Variants in AFF1 observed in about 807,000 individuals in gnomAD.
AFF1 encodes the protein AF4/FMR2 family member 1.
Under a neutral mutation model 121.7 loss-of-function variants are expected in AFF1, and 48 were observed. The observed-to-expected ratio is 0.39, with a 90% CI of 0.31 to 0.50. AFF1 has a LOEUF of 0.50. Ranked by LOEUF, AFF1 falls within the 20% of genes least tolerant of loss-of-function variation. AFF1 has a pLI of 0.76. For synonymous variants in AFF1, 613 were observed against 563.0 expected (o/e 1.09, Z -1.26); for missense variants, 1,523 against 1,511.7 (o/e 1.01, Z -0.12).
chr4:87,128,558 T>C (rs149196024), intron 16 of AFF1, among the ~76,000 whole-genome samples: 3 of 152,288 alleles, frequency 2.0e-5, no homozygotes, highest in African/African-American at 7.2e-5. Flanking sequence ...GTTGCCTTTT[T>C]TGGTTCACAT....
At chr4:86,938,474 GAA>G (rs1256052022) in intron 1 of AFF1, among the ~76,000 whole-genome samples, 1 of 150,052 alleles carries the variant, frequency 6.7e-6, no homozygotes, top group Non-Finnish European at 1.5e-5. Context: ...AAAAGAAAAG[GAA>G]AAAAGTAAGT....
intron 2 of AFF1, among the ~76,000 whole-genome samples, chr4:87,002,128 C>T (rs566203650): frequency 3.4e-5 from 5 of 146,782 alleles, no homozygotes; most frequent in South Asian, 2.1e-4. Flanking sequence ...TTCCCAGAGA[C>T]GGTCTTGCTC....
At chr4:87,024,522 A>G (rs760093101) in intron 2 of AFF1, among the ~76,000 whole-genome samples, 9 of 152,110 alleles carry the variant, frequency 5.9e-5, no homozygotes, top group Non-Finnish European at 8.8e-5. Flanking sequence ...TATTTGGGAC[A>G]GGGGATGTAT....
intron 7 of AFF1, among the ~76,000 whole-genome samples, chr4:87,092,740 TA>T (rs1370749737): frequency 1.3e-5 from 2 of 152,222 alleles, no homozygotes; most frequent in East Asian, 3.8e-4. Flanking sequence ...AAGTCATAAC[TA>T]AAATTTCCCC....
intron 1 of AFF1, among the ~76,000 whole-genome samples, chr4:86,947,701 C>T (rs17012186): frequency 0.12 from 17,907 of 152,162 alleles, 1,340 homozygotes; most frequent in East Asian, 0.21. Context: ...GAGGTTGTTT[C>T]CAGAGTTACC....
intron 4 of AFF1, among the ~76,000 whole-genome samples, chr4:87,056,144 C>T (rs887675489): frequency 6.6e-6 from 1 of 151,982 alleles, no homozygotes; most frequent in Non-Finnish European, 1.5e-5. Context: ...CTTCTTAATC[C>T]CTTTGGCTGA....
chr4:86,991,571 T>G (rs970086790), intron 2 of AFF1, among the ~76,000 whole-genome samples: 2 of 152,216 alleles, frequency 1.3e-5, no homozygotes, highest in African/African-American at 4.8e-5. Context: ...CGCTTTATAG[T>G]CACAAAATGA....
At position 87,136,184 on chromosome 4, in the gene AFF1, G is replaced by C. The variant is rs967470970; in HGVS notation, c.*483G>C. 4.3e-6 allele frequency: 1 copy of C among 232,236 alleles called. No individual in the cohort carries two copies. Among genetic ancestry groups the C allele is most frequent in the Non-Finnish European group, 8.5e-6 (1 of 117,566 alleles). 14.4% of individuals were successfully genotyped at this position (232,236 alleles called of 1,614,324 possible). A position where few individuals can be genotyped will look rare whatever the true frequency, so the allele number is the denominator to read the frequency against. On this transcript the variant is annotated 3_prime_UTR_variant, in exon 21 of 21. Coordinates refer to ENST00000395146, the MANE Select transcript of AFF1 (RefSeq NM_001166693.3). The stretch of plus-strand genomic sequence containing the variant: ...ATGATTTTTTTTCTTTTGAGTTTTG[G>C]GAGAAATATTTGTTTAGTAACTTCT...
rs1455072515 is a variant in AFF1 at position 87,007,290 on chromosome 4, G to T, written c.39-38876G>T. ...GCAGGTAGTCCCGTAACATCGGGGCGCCGCGCCGGGACGCGTCCCCGCCCG... is the reference window on the plus strand; with the variant it reads ...GCAGGTAGTCCCGTAACATCGGGGCTCCGCGCCGGGACGCGTCCCCGCCCG... On this transcript the variant is annotated intron_variant, in intron 2 of 20. Coordinates refer to ENST00000395146, the MANE Select transcript of AFF1 (RefSeq NM_001166693.3). 6 of 1,564,846 alleles carry T rather than the reference G, an allele frequency of 3.8e-6. No individual in the cohort carries two copies. The East Asian group carries it at 1.1e-4, about 29-fold the overall frequency.
intron 2 of AFF1, among the ~76,000 whole-genome samples, chr4:87,003,672 A>G (rs1235449697): frequency 6.6e-6 from 1 of 152,194 alleles, no homozygotes; most frequent in African/African-American, 2.4e-5. Flanking sequence ...AGTAAGTGCT[A>G]TTATGAAGTA....
chr4:87,063,471 T>C (rs1034704864), intron 4 of AFF1, among the ~76,000 whole-genome samples: 2 of 152,108 alleles, frequency 1.3e-5, no homozygotes, highest in African/African-American at 4.8e-5. Flanking sequence ...ACTCCCAGCC[T>C]CAGGTGATCC....
chr4:87,028,438 G>A (rs1728744569), intron 2 of AFF1, among the ~76,000 whole-genome samples: 1 of 151,922 alleles, frequency 6.6e-6, no homozygotes, highest in Non-Finnish European at 1.5e-5. Context: ...GTTATTTTTT[G>A]GTGTGTATCT....
At chr4:87,089,026 A>T (rs1724025870) in intron 5 of AFF1, among the ~76,000 whole-genome samples, 1 of 152,148 alleles carries the variant, frequency 6.6e-6, no homozygotes, top group Non-Finnish European at 1.5e-5. Context: ...TACAGGTGTG[A>T]GCTGCTGCGC....
At chr4:87,033,503 C>T (rs937811889) in intron 2 of AFF1, among the ~76,000 whole-genome samples, 1 of 152,144 alleles carries the variant, frequency 6.6e-6, no homozygotes, top group African/African-American at 2.4e-5. Flanking sequence ...TAGAATGTAC[C>T]TCATTCAGTT....
At chr4:87,133,943 C>T (rs1292726597) in intron 19 of AFF1, among the ~76,000 whole-genome samples, 1 of 152,148 alleles carries the variant, frequency 6.6e-6, no homozygotes, top group Non-Finnish European at 1.5e-5. Flanking sequence ...ACTTCTAGCA[C>T]CTATTGTGCT....
intron 4 of AFF1, among the ~76,000 whole-genome samples, chr4:87,050,741 G>T (rs1349772021): frequency 6.6e-5 from 10 of 152,228 alleles, no homozygotes; most frequent in Non-Finnish European, 1.5e-4. Flanking sequence ...AAGATGTCTA[G>T]CAGTGTGAAG....
chr4:87,042,951 T>G (rs1578131840), intron 2 of AFF1, among the ~76,000 whole-genome samples: 1 of 152,350 alleles, frequency 6.6e-6, no homozygotes, highest in African/African-American at 2.4e-5. Context: ...GTTGATTGAT[T>G]TAAAAATATT....
In AFF1 at chr4:87,126,159, C is replaced by T; in HGVS notation, c.2634C>T (p.Ser878=). 3.1e-6 allele frequency: 5 copies of T among 1,614,186 alleles called. No individual in the cohort carries two copies. The highest frequency in any genetic ancestry group is 4.2e-6 in the Non-Finnish European group (5 of 1,180,024). The change falls in exon 14 of 21, where the codon TCC becomes TCT. Residue 878 remains serine, a synonymous_variant. Coordinates refer to ENST00000395146, the MANE Select transcript of AFF1 (RefSeq NM_001166693.3). ...AAATGCTCCCCCCGCCACCCGTGTC[C>T]TCGTCCTCCCAGAAGCCAGCCAAGC... ...KKEMLPPPPV[S]SSSQKPAKPA...
intron 12 of AFF1, among the ~76,000 whole-genome samples, chr4:87,116,500 G>A (rs751556556): frequency 2.6e-4 from 40 of 152,184 alleles, no homozygotes; most frequent in Non-Finnish European, 5.3e-4. Context: ...TAACACTCTT[G>A]TAAGTATGTG....
Sources: allele counts gnomAD v4.1 joint callset (sites outside exome capture counted in the v4.1 genomes callset), GRCh38; gene constraint gnomAD v4.1.1; transcripts MANE v1.5; gene names NCBI Gene and HGNC (gene_info 2026-07-23, HGNC 2026-07-21).